Variants in RABGAP1L observed in about 807,000 individuals in gnomAD.
RABGAP1L encodes rab GTPase-activating protein 1-like.
RABGAP1L carries 63 observed loss-of-function variants against 137.7 expected under a neutral mutation model. The ratio of observed to expected loss-of-function variants is 0.46; its 90% CI spans 0.37 to 0.56. The LOEUF is 0.56. Among genes scored for constraint, RABGAP1L ranks in the 20% least tolerant of loss-of-function variants. RABGAP1L has a pLI of 0.00. For synonymous variants in RABGAP1L, 431 were observed against 433.7 expected, an observed-to-expected ratio of 0.99 and a Z score of 0.08; for missense variants, 1,095 against 1,244.0, an observed-to-expected ratio of 0.88 and a Z score of 1.80.
intron 11 of RABGAP1L, among the ~76,000 whole-genome samples, chr1:174,321,027 A>G (rs994417896): frequency 6.6e-6 from 1 of 152,156 alleles, no homozygotes; most frequent in African/African-American, 2.4e-5. Context: ...AGCAAGGAAC[A>G]GCCCTGTGAA....
At chr1:174,320,788 G>C (rs960196838) in intron 11 of RABGAP1L, among the ~76,000 whole-genome samples, 1 of 151,970 alleles carries the variant, frequency 6.6e-6, no homozygotes, top group Admixed American at 6.6e-5. Flanking sequence ...GGTGTATGTC[G>C]CCTCAGGACC....
intron 15 of RABGAP1L, among the ~76,000 whole-genome samples, chr1:174,684,960 A>C (rs1310414355): frequency 6.6e-6 from 1 of 151,750 alleles, no homozygotes; most frequent in Non-Finnish European, 1.5e-5. Flanking sequence ...CAGCTTGGGC[A>C]ATAGAAGGAG....
At chr1:174,450,090 G>A (rs1438752755) in intron 13 of RABGAP1L, among the ~76,000 whole-genome samples, 1 of 152,004 alleles carries the variant, frequency 6.6e-6, no homozygotes, top group Admixed American at 6.5e-5. Flanking sequence ...ATTAGTTCAT[G>A]TGCTTAAAAG....
intron 17 of RABGAP1L, among the ~76,000 whole-genome samples, chr1:174,751,658 A>G (rs965534927): frequency 1.3e-5 from 2 of 152,222 alleles, no homozygotes; most frequent in African/African-American, 4.8e-5. Flanking sequence ...CAGTTCTAGA[A>G]TAGCTTCTTA....
chr1:174,402,880 A>G (rs1490310293), intron 13 of RABGAP1L, among the ~76,000 whole-genome samples: 1 of 152,140 alleles, frequency 6.6e-6, no homozygotes, highest in Non-Finnish European at 1.5e-5. Context: ...GAGATTGTGT[A>G]TGTTTTAGGG....
At chr1:174,648,457 A>G (rs773486148) in intron 14 of RABGAP1L, among the ~76,000 whole-genome samples, 3 of 152,174 alleles carry the variant, frequency 2.0e-5, no homozygotes, top group East Asian at 1.9e-4. Context: ...TAATTTTGTT[A>G]TTTACCCAGT....
At chr1:174,227,791 T>C (rs548645202) in intron 3 of RABGAP1L, among the ~76,000 whole-genome samples, 22 of 152,232 alleles carry the variant, frequency 1.4e-4, no homozygotes, top group African/African-American at 4.8e-4. Context: ...TTCTAGATTT[T>C]ATGCTTCTGC....
chr1:174,923,890 AAAAAAG>A (rs1662240482), intron 19 of RABGAP1L, among the ~76,000 whole-genome samples: 1 of 151,856 alleles, frequency 6.6e-6, no homozygotes, highest in African/African-American at 2.4e-5. Context: ...AAAAAAAAAA[AAAAAAG>A]AAAAAAGAAA....
In RABGAP1L at chr1:174,241,516, A is replaced by G. The variant is rs1264002058; in HGVS notation, c.576A>G (p.Ala192=). Residue 192 remains alanine, a synonymous_variant, in exon 5 of 26, where the codon GCA becomes GCG. Coordinates refer to ENST00000681986, the MANE Select transcript of RABGAP1L (RefSeq NM_001366446.1). ...IIDQSSNVEI[A]SFPIYKVLFC... ...ACCAATCCAGCAATGTGGAGATAGC[A>G]TCTTTTCCAATCTATAAGGTGTTAT... 10 of 1,606,054 alleles carry G rather than the reference A, an allele frequency of 6.2e-6. No individual in the cohort carries two copies. In the East Asian group the frequency reaches 2.0e-4, roughly 32 times the overall value.
chr1:174,629,370 T>G (rs984487024), intron 13 of RABGAP1L, among the ~76,000 whole-genome samples: 2 of 152,176 alleles, frequency 1.3e-5, no homozygotes, highest in Non-Finnish European at 2.9e-5. Flanking sequence ...TTTACTTATA[T>G]GAGATGGATC....
chr1:174,674,486 A>G (rs1677439622), intron 14 of RABGAP1L, among the ~76,000 whole-genome samples: 1 of 150,684 alleles, frequency 6.6e-6, no homozygotes, highest in Non-Finnish European at 1.5e-5. Flanking sequence ...CCAGTCTATC[A>G]TTATTGGACA....
At chr1:174,475,387 G>A (rs1658393169) in intron 13 of RABGAP1L, among the ~76,000 whole-genome samples, 1 of 152,034 alleles carries the variant, frequency 6.6e-6, no homozygotes. Flanking sequence ...TATTGTGACT[G>A]TTTTTAAGGT....
intron 13 of RABGAP1L, among the ~76,000 whole-genome samples, chr1:174,617,040 G>C (rs184648290): frequency 3.9e-5 from 6 of 152,286 alleles, no homozygotes; most frequent in Non-Finnish European, 7.4e-5. Flanking sequence ...GAAGTAAGTA[G>C]AGAAGGAGCC....
chr1:174,523,568 T>C (rs933117851), intron 13 of RABGAP1L, among the ~76,000 whole-genome samples: 2 of 152,254 alleles, frequency 1.3e-5, no homozygotes, highest in Non-Finnish European at 2.9e-5. Context: ...ATAAAATGTG[T>C]AATGATCAAG....
At chr1:174,359,333 C>T (rs776861067) in intron 11 of RABGAP1L, among the ~76,000 whole-genome samples, 9 of 152,180 alleles carry the variant, frequency 5.9e-5, no homozygotes, top group Non-Finnish European at 1.2e-4. Context: ...TACTTTTCTT[C>T]AGCTCCTTTC....
chr1:174,396,760 ATG>A (rs1175519027), intron 13 of RABGAP1L, among the ~76,000 whole-genome samples: 1 of 152,128 alleles, frequency 6.6e-6, no homozygotes, highest in Non-Finnish European at 1.5e-5. Flanking sequence ...TAAACAGTGT[ATG>A]TTCATATAGT....
chr1:174,649,312 T>C (rs929167233), intron 14 of RABGAP1L, among the ~76,000 whole-genome samples: 2 of 152,140 alleles, frequency 1.3e-5, no homozygotes, highest in Non-Finnish European at 2.9e-5. Context: ...TCTTTACAAT[T>C]TGGTATGTTT....
intron 13 of RABGAP1L, among the ~76,000 whole-genome samples, chr1:174,440,060 C>CATTTATAA (rs1653939618): frequency 6.6e-6 from 1 of 152,074 alleles, no homozygotes; most frequent in Non-Finnish European, 1.5e-5. Flanking sequence ...AGTGTGATGG[C>CATTTATAA]CTAGTAAGCA....
chr1:174,252,674 A>G lies in RABGAP1L; in HGVS notation c.986+84A>G. On this transcript the variant is annotated intron_variant, in intron 7 of 25. Coordinates refer to ENST00000681986, the MANE Select transcript of RABGAP1L (RefSeq NM_001366446.1). ...GATGCATTGCTCAGTGTGGCTTTTC[A>G]CTATACTTCATTTTCTCCAATTAAA... is the stretch of plus-strand genomic sequence containing the variant. 2.6e-6 allele frequency: 4 copies of G among 1,510,562 alleles called. No homozygotes were observed. The South Asian group carries it at 5.3e-5, about 20-fold the overall frequency. The allele number at this position is 1,510,562 out of a possible 1,614,324, so 93.6% of individuals were successfully genotyped here. A position where few individuals can be genotyped will look rare whatever the true frequency, so the allele number is the denominator to read the frequency against.
Sources: allele counts gnomAD v4.1 joint callset (sites outside exome capture counted in the v4.1 genomes callset), GRCh38; gene constraint gnomAD v4.1.1; transcripts MANE v1.5; gene names NCBI Gene and HGNC (gene_info 2026-07-23, HGNC 2026-07-21).